Variants in GNA14 observed in about 807,000 individuals in gnomAD.
The protein encoded by GNA14 is guanine nucleotide-binding protein subunit alpha-14.
GNA14 carries 50 observed loss-of-function variants against 42.0 expected under a neutral mutation model. The observed-to-expected ratio is 1.19, with a 90% CI of 0.95 to 1.51. GNA14 has a LOEUF of 1.51. Among genes scored for constraint, GNA14 ranks in the 40% most tolerant of loss-of-function variants. The probability of loss-of-function intolerance (pLI) is 0.00; values close to 1 mark genes in which losing one functional copy is unlikely to be tolerated. For synonymous variants in GNA14, 173 were observed against 163.1 expected (o/e 1.06, Z -0.46); for missense variants, 473 against 446.2 (o/e 1.06, Z -0.54).
intron 1 of GNA14, among the ~76,000 whole-genome samples, chr9:77,592,946 TCA>T (rs1823412318): frequency 1.3e-5 from 2 of 152,194 alleles, no homozygotes; most frequent in Admixed American, 1.3e-4. Flanking sequence ...AAGTCACAGC[TCA>T]CAAAGTATGC....
chr9:77,493,026 A>ATATCT (rs1261356124), intron 2 of GNA14, among the ~76,000 whole-genome samples: 1 of 51,718 alleles, frequency 1.9e-5, no homozygotes, highest in African/African-American at 1.1e-4. Context: ...AAAAAAAAAA[A>ATATCT]ATATATATAT....
chr9:77,559,794 G>T (rs893784793), intron 1 of GNA14, among the ~76,000 whole-genome samples: 2 of 152,148 alleles, frequency 1.3e-5, no homozygotes, highest in Non-Finnish European at 2.9e-5. Context: ...ATAAACAAAT[G>T]GTCCTTCCAT....
At chr9:77,587,673 C>G (rs955736257) in intron 1 of GNA14, among the ~76,000 whole-genome samples, 2 of 152,146 alleles carry the variant, frequency 1.3e-5, no homozygotes, top group African/African-American at 4.8e-5. Context: ...TATGGAGTTT[C>G]TTTCTGGGCT....
chr9:77,454,309 C>T (rs1157285815), intron 2 of GNA14, among the ~76,000 whole-genome samples: 2 of 152,244 alleles, frequency 1.3e-5, no homozygotes, highest in African/African-American at 4.8e-5. Flanking sequence ...GTCTGATCTA[C>T]TTCTGTGAAC....
intron 1 of GNA14, among the ~76,000 whole-genome samples, chr9:77,569,774 T>C (rs150482397): frequency 0.017 from 2,563 of 151,834 alleles, 73 homozygotes; most frequent in African/African-American, 0.059. Context: ...TTCTTTCTTT[T>C]TTTTTTTTTT....
At chr9:77,425,804 C>A in intron 5 of GNA14, 89 bp from the exon 6 acceptor site, 1 of 970,154 alleles carries the variant, frequency 1.0e-6, no homozygotes, top group Non-Finnish European at 1.5e-6. Flanking sequence ...CATCTCTTCC[C>A]TTGCCCCGCC....
intron 1 of GNA14, among the ~76,000 whole-genome samples, chr9:77,542,797 A>C (rs1389242541): frequency 6.6e-6 from 1 of 152,146 alleles, no homozygotes; most frequent in African/African-American, 2.4e-5. Context: ...TCAAATGTCA[A>C]TGGTGTTGGA....
chr9:77,529,055 C>T lies in GNA14; in HGVS notation c.309+14G>A. 1.9e-6 allele frequency: 3 copies of T among 1,612,048 alleles called. No homozygotes were observed. The highest frequency in any genetic ancestry group is 3.3e-5 in the Admixed American group (2 of 60,012). On this transcript the variant is annotated intron_variant, in intron 2 of 6. Transcript: ENST00000341700. Reference sequence around the variant, plus strand: ...ACATTCACAAATAGGGCAAGCACTCCCTAAGCACGTTACCTTATTCTGTTC... The same window carrying T: ...ACATTCACAAATAGGGCAAGCACTCTCTAAGCACGTTACCTTATTCTGTTC...
intron 2 of GNA14, among the ~76,000 whole-genome samples, chr9:77,435,069 A>C (rs1835622275): frequency 6.6e-6 from 1 of 151,492 alleles, no homozygotes; most frequent in Non-Finnish European, 1.5e-5. Context: ...AAAAAAAAAA[A>C]AAACACTGGC....
At chr9:77,629,566 T>G (rs1351583661) in intron 1 of GNA14, among the ~76,000 whole-genome samples, 1 of 152,222 alleles carries the variant, frequency 6.6e-6, no homozygotes, top group Non-Finnish European at 1.5e-5. Context: ...AGGATCAGTT[T>G]ATGTCCTTTG....
At chr9:77,609,334 C>T (rs1823692925) in intron 1 of GNA14, among the ~76,000 whole-genome samples, 1 of 152,178 alleles carries the variant, frequency 6.6e-6, no homozygotes, top group South Asian at 2.1e-4. Context: ...GTCCATATTT[C>T]TACCAGCATT....
At chr9:77,486,179 TG>T (rs1836657130) in intron 2 of GNA14, among the ~76,000 whole-genome samples, 1 of 152,234 alleles carries the variant, frequency 6.6e-6, no homozygotes. Context: ...TTGGATAACT[TG>T]CTGCAGCTTC....
intron 2 of GNA14, among the ~76,000 whole-genome samples, chr9:77,519,565 T>C (rs1430967423): frequency 6.6e-6 from 1 of 152,194 alleles, no homozygotes; most frequent in Non-Finnish European, 1.5e-5. Flanking sequence ...GTTAAATAAT[T>C]CATGTTCTCA....
intron 1 of GNA14, among the ~76,000 whole-genome samples, chr9:77,592,847 C>A (rs1420793034): frequency 6.6e-6 from 1 of 152,196 alleles, no homozygotes; most frequent in Non-Finnish European, 1.5e-5. Flanking sequence ...GAACTCATAA[C>A]TGGACTGTGC....
At chr9:77,551,737 T>C (rs1056495016) in intron 1 of GNA14, among the ~76,000 whole-genome samples, 1 of 151,980 alleles carries the variant, frequency 6.6e-6, no homozygotes, top group African/African-American at 2.4e-5. Context: ...GTTAGGGCCA[T>C]GTTCTTTGCT....
At chr9:77,435,615 CCATT>C (rs1443170929) in intron 2 of GNA14, among the ~76,000 whole-genome samples, 1 of 151,982 alleles carries the variant, frequency 6.6e-6, no homozygotes, top group Non-Finnish European at 1.5e-5. Flanking sequence ...GTAATTAAGG[CCATT>C]ATTACTGTAA....
At chr9:77,554,446 GT>G (rs1443879890) in intron 1 of GNA14, among the ~76,000 whole-genome samples, 1 of 152,084 alleles carries the variant, frequency 6.6e-6, no homozygotes, top group Non-Finnish European at 1.5e-5. Context: ...TTTGTTAAAA[GT>G]TTTTTTAAAG....
At chr9:77,465,654 C>A (rs1484603482) in intron 2 of GNA14, among the ~76,000 whole-genome samples, 4 of 119,482 alleles carry the variant, frequency 3.3e-5, no homozygotes, top group African/African-American at 9.9e-5. Context: ...TAGCTTTCTA[C>A]CTTTGCTTGA....
Position 77,647,853 on chromosome 9 carries a change from C to A in GNA14, c.-60G>T, listed in dbSNP as rs1824385652. On this transcript the variant is annotated 5_prime_UTR_variant, in exon 1 of 7. Transcript: ENST00000341700. ...GGCCCCGGGCACCCGAATCCTCGGC[C>A]CGGCCGCTCACCCGGCCAGCATGCG... 3.8e-6 allele frequency: 6 copies of A among 1,562,922 alleles called. No individual in the cohort carries two copies. Among genetic ancestry groups the A allele is most frequent in the Middle Eastern group, 1.7e-4 (1 of 5,766 alleles).
Sources: allele counts gnomAD v4.1 joint callset (sites outside exome capture counted in the v4.1 genomes callset), GRCh38; gene constraint gnomAD v4.1.1; transcripts MANE v1.5; gene names NCBI Gene and HGNC (gene_info 2026-07-23, HGNC 2026-07-21).